The following DLG2 variants were observed in gnomAD, a reference collection of about 807,000 sequenced individuals.
DLG2 encodes discs large MAGUK scaffold protein 2.
In DLG2, 45 loss-of-function variants were observed where a neutral mutation model predicts 132.5. The ratio of observed to expected loss-of-function variants is 0.34; its 90% CI spans 0.27 to 0.44. The LOEUF is 0.44. DLG2 is among the 20% of genes least tolerant of loss of function. The pLI, the probability that DLG2 is intolerant of heterozygous loss-of-function variation, is 1.00. For synonymous variants in DLG2, 424 were observed against 419.6 expected, an observed-to-expected ratio of 1.01 and a Z score of -0.13; for missense variants, 1,045 against 1,196.9, an observed-to-expected ratio of 0.87 and a Z score of 1.87.
intron 7 of DLG2, among the ~76,000 whole-genome samples, chr11:84,289,624 C>A (rs570104206): frequency 6.6e-6 from 1 of 152,072 alleles, no homozygotes; most frequent in African/African-American, 2.4e-5. Context: ...CACAGGAAAA[C>A]CTTTAAAGCT....
chr11:84,520,197 T>G (rs1465050169), intron 7 of DLG2, among the ~76,000 whole-genome samples: 1 of 152,166 alleles, frequency 6.6e-6, no homozygotes, highest in East Asian at 1.9e-4. Flanking sequence ...CTTTCATTGT[T>G]TACTCTAAAG....
At chr11:84,717,128 G>A (rs1267658174) in intron 6 of DLG2, among the ~76,000 whole-genome samples, 1 of 152,020 alleles carries the variant, frequency 6.6e-6, no homozygotes, top group Non-Finnish European at 1.5e-5. Flanking sequence ...AGAGCAAACA[G>A]TTTTAGTGTT....
In DLG2 at chr11:84,478,365, C is replaced by T. The variant is rs142940974; in HGVS notation, c.519+56205G>A. Among the ~76,000 whole-genome samples, 31 of 152,196 alleles carry T rather than the reference C, an allele frequency of 2.0e-4. 1 individual carries two copies. In the East Asian group the frequency reaches 5.0e-3, roughly 25 times the overall value. On this transcript the variant is annotated intron_variant, in intron 7 of 27. Transcript: ENST00000376104. ...TTTTAAAAAATAAAATCATACTATACATTTTCTTTGTAGCCTTCTTTTATG... is the reference window on the plus strand; with the variant it reads ...TTTTAAAAAATAAAATCATACTATATATTTTCTTTGTAGCCTTCTTTTATG...
intron 6 of DLG2, among the ~76,000 whole-genome samples, chr11:84,583,760 T>C (rs1257229045): frequency 1.3e-5 from 2 of 152,276 alleles, no homozygotes; most frequent in Non-Finnish European, 2.9e-5. Context: ...TACCCCAAAA[T>C]ATTAATATAT....
At chr11:85,549,257 C>T (rs920053279) in intron 3 of DLG2, among the ~76,000 whole-genome samples, 26 of 152,122 alleles carry the variant, frequency 1.7e-4, no homozygotes, top group African/African-American at 6.0e-4. Context: ...CCTTGCACTT[C>T]CCGGATGAGG....
intron 3 of DLG2, among the ~76,000 whole-genome samples, chr11:85,431,485 A>G (rs1364529109): frequency 6.6e-6 from 1 of 152,228 alleles, no homozygotes; most frequent in East Asian, 1.9e-4. Context: ...CAGATTCTCA[A>G]CAGCCACATG....
chr11:85,545,547 A>G (rs1335672187), intron 3 of DLG2, among the ~76,000 whole-genome samples: 2 of 152,146 alleles, frequency 1.3e-5, no homozygotes, highest in Non-Finnish European at 2.9e-5. Context: ...TGTTTGGAAT[A>G]GTTTCAGAAG....
intron 3 of DLG2, among the ~76,000 whole-genome samples, chr11:85,392,260 A>G (rs940104214): frequency 1.3e-5 from 2 of 152,152 alleles, no homozygotes; most frequent in African/African-American, 4.8e-5. Flanking sequence ...AAGGAAAACT[A>G]CAAAACATTG....
chr11:84,408,243 T>A (rs1194846609), intron 7 of DLG2, among the ~76,000 whole-genome samples: 5 of 152,100 alleles, frequency 3.3e-5, no homozygotes, highest in Non-Finnish European at 7.4e-5. Flanking sequence ...CTGAGACCAA[T>A]GTCTTTATAA....
At chr11:84,142,008 A>G (rs2094870550) in intron 9 of DLG2, among the ~76,000 whole-genome samples, 1 of 152,070 alleles carries the variant, frequency 6.6e-6, no homozygotes, top group Non-Finnish European at 1.5e-5. Context: ...CTCCAGGTAG[A>G]AAGGAGATTT....
At chr11:84,502,406 CT>C (rs747820525) in intron 7 of DLG2, among the ~76,000 whole-genome samples, 1 of 99,056 alleles carries the variant, frequency 1.0e-5, no homozygotes, top group East Asian at 2.5e-4. Flanking sequence ...TTCTTTCTTT[CT>C]TTCTTTCTAT....
At chr11:85,388,389 A>T (rs1008242739) in intron 3 of DLG2, among the ~76,000 whole-genome samples, 2 of 152,168 alleles carry the variant, frequency 1.3e-5, no homozygotes, top group African/African-American at 4.8e-5. Flanking sequence ...AAGACAAAGG[A>T]CATATCTCTT....
intron 14 of DLG2, among the ~76,000 whole-genome samples, chr11:83,940,544 G>A (rs995564098): frequency 1.1e-4 from 16 of 152,096 alleles, no homozygotes; most frequent in African/African-American, 2.9e-4. Flanking sequence ...GAGTGGTAGC[G>A]CTTGGCTTTG....
At chr11:83,871,942 A>G (rs1003581531) in intron 16 of DLG2, among the ~76,000 whole-genome samples, 8 of 152,258 alleles carry the variant, frequency 5.3e-5, no homozygotes, top group African/African-American at 1.7e-4. Context: ...TGACGGTCCA[A>G]TATGTACCTG....
intron 6 of DLG2, among the ~76,000 whole-genome samples, chr11:84,802,700 A>G (rs1028859385): frequency 6.6e-6 from 1 of 151,018 alleles, no homozygotes. Flanking sequence ...CTAGGCACTG[A>G]AAAAAGGCCA....
chr11:83,791,591 C>A (rs564630861), intron 17 of DLG2: 2 of 433,692 alleles, frequency 4.6e-6, no homozygotes, highest in Admixed American at 7.3e-5. Flanking sequence ...TGACTAGTTA[C>A]CTAATCCAAC....
intron 17 of DLG2, among the ~76,000 whole-genome samples, chr11:83,809,249 G>T (rs2046671450): frequency 6.6e-6 from 1 of 152,104 alleles, no homozygotes; most frequent in Admixed American, 6.5e-5. Flanking sequence ...TAAAACACTG[G>T]GTTAGCTGTC....
chr11:84,909,361 T>C (rs1461961596), intron 6 of DLG2, among the ~76,000 whole-genome samples: 3 of 152,196 alleles, frequency 2.0e-5, no homozygotes, highest in African/African-American at 7.2e-5. Context: ...TCTGCAGTTC[T>C]GGAAGACAGA....
rs74775393 is a variant in DLG2, at chr11:84,416,658, T to C, written c.519+117912A>G. The stretch of plus-strand genomic sequence containing the variant: ...TAACTGTGTGATCTTAGCAAAGTCA[T>C]TGAAGCTCCTGAAGCTTGAGTTTCC... On this transcript the variant is annotated intron_variant, in intron 7 of 27. Transcript: ENST00000376104. Among the ~76,000 whole-genome samples the C allele has an allele frequency of 2.2e-4, 34 of 152,340 alleles. No homozygotes were observed. In the East Asian group the frequency reaches 6.6e-3, roughly 29 times the overall value.
Sources: gnomAD v4.1 joint callset for allele counts (sites outside exome capture counted in the v4.1 genomes callset) on GRCh38, gnomAD v4.1.1 for gene constraint, MANE v1.5 for transcripts, NCBI Gene and HGNC (gene_info 2026-07-23, HGNC 2026-07-21) for gene names.